Variants in SHC3 observed in about 807,000 individuals in gnomAD.
The protein encoded by SHC3 is SHC-transforming protein 3.
In SHC3, 15 loss-of-function variants were observed where a neutral mutation model predicts 60.4. The observed-to-expected ratio is 0.25, with a 90% CI of 0.17 to 0.38. The LOEUF (loss-of-function observed/expected upper bound fraction) is 0.38. Ranked by LOEUF, SHC3 falls within the 10% of genes least tolerant of loss-of-function variation. The pLI is 1.00. For synonymous variants in SHC3, 294 were observed against 325.9 expected (o/e 0.90, Z 1.05); for missense variants, 677 against 786.1 (o/e 0.86, Z 1.66).
chr9:89,145,189 T>G (rs1826451420), intron 1 of SHC3, among the ~76,000 whole-genome samples: 1 of 152,032 alleles, frequency 6.6e-6, no homozygotes, highest in Non-Finnish European at 1.5e-5. Context: ...TATTAAGGCA[T>G]CCCTGAAAAA....
intron 11 of SHC3, among the ~76,000 whole-genome samples, chr9:89,022,685 C>A (rs1022006805): frequency 6.6e-6 from 1 of 152,154 alleles, no homozygotes; most frequent in Non-Finnish European, 1.5e-5. Context: ...AGAGGACCAT[C>A]CGAACATGCT....
chr9:89,143,604 T>G (rs1245960064), intron 1 of SHC3, among the ~76,000 whole-genome samples: 1 of 152,132 alleles, frequency 6.6e-6, no homozygotes, highest in Non-Finnish European at 1.5e-5. Context: ...TTGCAGAAGC[T>G]TCCACAGAAT....
chr9:89,118,210 G>T (rs887745056), intron 1 of SHC3, among the ~76,000 whole-genome samples: 1 of 147,346 alleles, frequency 6.8e-6, no homozygotes, highest in Non-Finnish European at 1.5e-5. Flanking sequence ...TTTCCATTCC[G>T]TCTCTACCTA....
rs1251562894 is a variant in SHC3 at position 89,009,860 on chromosome 9, CG to C, written c.*3586del. ...TTATAGAAAGAAGCTACCCAAGTGTCGGACGCTACTGAAAAGGAAAGCTTTA... is the reference window on the plus strand; with the variant it reads ...TTATAGAAAGAAGCTACCCAAGTGTCGACGCTACTGAAAAGGAAAGCTTTA... On this transcript the variant is annotated 3_prime_UTR_variant, in exon 12 of 12. Transcript: ENST00000375835. 1 of 152,218 alleles carries C rather than the reference CG, an allele frequency of 6.6e-6. No homozygotes were observed. The highest frequency in any genetic ancestry group is 1.9e-4 in the East Asian group (1 of 5,190). The allele number at this position is 152,218 out of a possible 1,614,324, so 9.4% of individuals were successfully genotyped here. A position where few individuals can be genotyped will look rare whatever the true frequency, so the allele number is the denominator to read the frequency against.
intron 1 of SHC3, among the ~76,000 whole-genome samples, chr9:89,131,688 G>A (rs1483035581): frequency 6.6e-6 from 1 of 152,096 alleles, no homozygotes; most frequent in African/African-American, 2.4e-5. Flanking sequence ...TGCAGAAAAG[G>A]CTTTCAACAA....
At chr9:89,105,074 T>A (rs2118091722) in intron 2 of SHC3, among the ~76,000 whole-genome samples, 1 of 152,228 alleles carries the variant, frequency 6.6e-6, no homozygotes, top group African/African-American at 2.4e-5. Context: ...TGCAAGTGCC[T>A]CTCACAGACT....
At chr9:89,076,056 CAG>C (rs1426344592) in intron 3 of SHC3, among the ~76,000 whole-genome samples, 4 of 152,216 alleles carry the variant, frequency 2.6e-5, no homozygotes, top group African/African-American at 9.6e-5. Flanking sequence ...TATTTAAAAA[CAG>C]AGATGCTGAG....
At chr9:89,128,457 G>A (rs945264259) in intron 1 of SHC3, among the ~76,000 whole-genome samples, 3 of 152,166 alleles carry the variant, frequency 2.0e-5, no homozygotes, top group South Asian at 2.1e-4. Context: ...CTCCTCAAGT[G>A]GGTCCCTGAT....
intron 1 of SHC3, among the ~76,000 whole-genome samples, chr9:89,125,463 C>T (rs1020714458): frequency 6.6e-6 from 1 of 151,988 alleles, no homozygotes; most frequent in Admixed American, 6.6e-5. Flanking sequence ...CACACAGCTC[C>T]TGGCACACCA....
At chr9:89,063,642 C>T (rs369397687) in intron 6 of SHC3, among the ~76,000 whole-genome samples, 1 of 152,218 alleles carries the variant, frequency 6.6e-6, no homozygotes, top group Non-Finnish European at 1.5e-5. Context: ...GGTGTGGAAG[C>T]AAAGCCAATT....
chr9:89,025,032 G>A (rs1041247210), intron 11 of SHC3, among the ~76,000 whole-genome samples: 2 of 152,152 alleles, frequency 1.3e-5, no homozygotes, highest in African/African-American at 4.8e-5. Flanking sequence ...GTTGCCCTGT[G>A]GGCAGTTAGA....
chr9:89,116,463 G>GGCTA (rs1294143266), intron 1 of SHC3, among the ~76,000 whole-genome samples: 15 of 152,190 alleles, frequency 9.9e-5, no homozygotes, highest in African/African-American at 3.4e-4. Context: ...TGGATACTGT[G>GGCTA]GCTAATGCCA....
At position 89,020,117 on chromosome 9, in the gene SHC3, A is replaced by T. The variant is rs567453782; in HGVS notation, c.1657-6542T>A. 3.3e-5 allele frequency among the ~76,000 whole-genome samples: 5 copies of T among 152,286 alleles called. No individual in the cohort carries two copies. In the East Asian group the frequency reaches 9.6e-4, roughly 29 times the overall value. ...GATCCCCAAGGTTTCACAGCAGCTT[A>T]ATTAAAATATGCTTCTTCCCTAGGC... On this transcript the variant is annotated intron_variant, in intron 11 of 11. Coordinates refer to ENST00000375835, the MANE Select transcript of SHC3 (RefSeq NM_016848.6).
At position 89,142,463 on chromosome 9, in the gene SHC3, C is replaced by T. The variant is rs571316640; in HGVS notation, c.475-29837G>A. The stretch of plus-strand genomic sequence containing the variant: ...GTAATCCCACAAGGCAGGTGGATCA[C>T]TTGAGGTCCAGAAGTTCAAAACCAG... On this transcript the variant is annotated intron_variant, in intron 1 of 11. Transcript: ENST00000375835. Among the ~76,000 whole-genome samples the T allele has an allele frequency of 1.3e-4, 20 of 151,656 alleles. No individual in the cohort carries two copies. The East Asian group carries it at 3.9e-3, about 30-fold the overall frequency.
chr9:89,119,699 C>A (rs935426582), intron 1 of SHC3, among the ~76,000 whole-genome samples: 6 of 152,154 alleles, frequency 3.9e-5, no homozygotes, highest in Non-Finnish European at 7.4e-5. Flanking sequence ...GCCAATTCTT[C>A]CCCAAATTAA....
chr9:89,084,196 A>G (rs1244170529), intron 2 of SHC3, among the ~76,000 whole-genome samples: 1 of 152,158 alleles, frequency 6.6e-6, no homozygotes, highest in Non-Finnish European at 1.5e-5. Context: ...GACTTCCCTT[A>G]CACCTTAGCA....
At position 89,042,211 on chromosome 9, in the gene SHC3, C is replaced by A. The variant is rs748667712; in HGVS notation, c.1202-27G>T. 5.4e-6 allele frequency: 8 copies of A among 1,491,832 alleles called. No homozygotes were observed. The East Asian group carries it at 1.9e-4, about 36-fold the overall frequency. 92.4% of individuals were successfully genotyped at this position (1,491,832 alleles called of 1,614,324 possible). Reference sequence around the variant, plus strand: ...TGCAACAAGAAAGTGAGCCCCTTTTCTTTTACGATGGTGACACTATTCAAG... The same window carrying A: ...TGCAACAAGAAAGTGAGCCCCTTTTATTTTACGATGGTGACACTATTCAAG... On this transcript the variant is annotated intron_variant, in intron 9 of 11. Coordinates refer to ENST00000375835, the MANE Select transcript of SHC3 (RefSeq NM_016848.6).
At chr9:89,125,850 C>G (rs1826156535) in intron 1 of SHC3, among the ~76,000 whole-genome samples, 1 of 152,150 alleles carries the variant, frequency 6.6e-6, no homozygotes, top group African/African-American at 2.4e-5. Flanking sequence ...AATTATCTAC[C>G]CATTGTTCAG....
intron 2 of SHC3, among the ~76,000 whole-genome samples, chr9:89,082,943 T>TA (rs1346729796): frequency 6.6e-6 from 1 of 152,232 alleles, no homozygotes; most frequent in Admixed American, 6.5e-5. Flanking sequence ...TTCAGTGTCT[T>TA]AAAATCATCA....
Sources: allele counts gnomAD v4.1 joint callset (sites outside exome capture counted in the v4.1 genomes callset), GRCh38; gene constraint gnomAD v4.1.1; transcripts MANE v1.5; gene names NCBI Gene and HGNC (gene_info 2026-07-23, HGNC 2026-07-21).